The following RANBP9 variants were observed in gnomAD, a reference collection of about 807,000 sequenced individuals.
The protein encoded by RANBP9 is ran-binding protein 9.
In RANBP9, 15 loss-of-function variants were observed where a neutral mutation model predicts 84.3. The observed-to-expected ratio is 0.18, with a 90% confidence interval of 0.12 to 0.27. The LOEUF (loss-of-function observed/expected upper bound fraction) is 0.27, where lower values mean the gene tolerates loss of function less well. RANBP9 is among the 10% of genes least tolerant of loss of function. RANBP9 has a pLI of 1.00. For missense variants in RANBP9, 809 were observed against 912.8 expected, an observed-to-expected ratio of 0.89 and a Z score of 1.46; for synonymous variants, 392 against 349.6, an observed-to-expected ratio of 1.12 and a Z score of -1.35.
rs943275025 is a variant in RANBP9, at chr6:13,711,299, G to C, written c.207C>G (p.Leu69=). Residue 69 remains leucine, a synonymous_variant, in exon 1 of 14, where the codon CTC becomes CTG. Transcript: ENST00000011619. ...GLGAAAAALL[L]HPPPPPPPAT... ...CCGGGGGCGGCGGCGGCGGAGGGTG[G>C]AGGAGCAGGGCGGCCGCCGCGGCCC... 18 of 1,032,722 alleles carry C rather than the reference G, an allele frequency of 1.7e-5. No homozygotes were observed. The highest frequency in any genetic ancestry group is 1.0e-4 in the African/African-American group (6 of 57,490). 64.0% of individuals were successfully genotyped at this position (1,032,722 alleles called of 1,614,324 possible). A position where few individuals can be genotyped will look rare whatever the true frequency, so the allele number is the denominator to read the frequency against.
chr6:13,622,489 G>A lies in RANBP9; in HGVS notation c.2063C>T (p.Thr688Ile), dbSNP rs112516735. Residue 688 changes from threonine (T) to isoleucine (I), a missense_variant, in exon 14 of 14, where the codon ACC (threonine) becomes ATC (isoleucine). Physicochemically the swap from Thr to Ile is moderately conservative, Grantham distance 89. Transcript: ENST00000011619. ...TGGAGGTTGCTTTGGCAGATTGTGGGTTTCTGAGGAAAAATAATTTAAAAA... is the reference window on the plus strand; with the variant it reads ...TGGAGGTTGCTTTGGCAGATTGTGGATTTCTGAGGAAAAATAATTTAAAAA... ...CSALNSAILE[T>I]HNLPKQPPLA... 1 of 1,561,212 alleles carries A rather than the reference G, an allele frequency of 6.4e-7. No individual in the cohort carries two copies. Among genetic ancestry groups the A allele is most frequent in the Non-Finnish European group, 8.6e-7 (1 of 1,156,788 alleles).
At chr6:13,705,266 T>C (rs1758075068) in intron 1 of RANBP9, among the ~76,000 whole-genome samples, 1 of 151,562 alleles carries the variant, frequency 6.6e-6, no homozygotes, top group Non-Finnish European at 1.5e-5. Flanking sequence ...TAGCCAGGCG[T>C]GGTGGCAGGC....
At chr6:13,679,831 A>G (rs1253589529) in intron 2 of RANBP9, among the ~76,000 whole-genome samples, 1 of 152,168 alleles carries the variant, frequency 6.6e-6, no homozygotes, top group East Asian at 1.9e-4. Flanking sequence ...TTGTTTTTCA[A>G]TAATATTTCT....
rs1198258333 is a variant in RANBP9 at position 13,692,553 on chromosome 6, A to AC, written c.683+4231_683+4232insG. Among the ~76,000 whole-genome samples, 39 of 146,344 alleles carry AC rather than the reference A, an allele frequency of 2.7e-4. No homozygotes were observed. In the East Asian group the frequency reaches 5.3e-3, roughly 20 times the overall value. On this transcript the variant is annotated intron_variant, in intron 2 of 13. Coordinates refer to ENST00000011619, the MANE Select transcript of RANBP9 (RefSeq NM_005493.3). ...AAAAAAAAAAAAAAAAAAAAAAAAA[A>AC]ACACAAAAAACAAAAAGGCAGGGCA... is the stretch of plus-strand genomic sequence containing the variant.
chr6:13,667,138 T>C (rs770931377), intron 2 of RANBP9, among the ~76,000 whole-genome samples: 2 of 152,188 alleles, frequency 1.3e-5, no homozygotes, highest in South Asian at 2.1e-4. Context: ...TATGTCAACG[T>C]AGATCATCAC....
At chr6:13,649,461 G>GAAAAAAAA (rs375894187) in intron 5 of RANBP9, among the ~76,000 whole-genome samples, 1 of 92,704 alleles carries the variant, frequency 1.1e-5, no homozygotes, top group Middle Eastern at 6.2e-3. Context: ...TGCCACAACA[G>GAAAAAAAA]AAAAAAAAAA....
chr6:13,653,824 G>C (rs1396687228), intron 4 of RANBP9, among the ~76,000 whole-genome samples: 1 of 151,958 alleles, frequency 6.6e-6, no homozygotes, highest in Non-Finnish European at 1.5e-5. Context: ...CTTGTTAAAA[G>C]GAAAGCAAAG....
intron 2 of RANBP9, among the ~76,000 whole-genome samples, chr6:13,695,408 T>TG (rs1188777784): frequency 2.7e-5 from 4 of 150,476 alleles, no homozygotes; most frequent in Non-Finnish European, 5.9e-5. Flanking sequence ...AATGTTTTTT[T>TG]TTTTTTTTTT....
chr6:13,663,058 T>C (rs777624613), intron 2 of RANBP9, among the ~76,000 whole-genome samples: 2 of 151,796 alleles, frequency 1.3e-5, no homozygotes, highest in Non-Finnish European at 2.9e-5. Context: ...CAAAAACGTA[T>C]AGATTCAAGA....
intron 5 of RANBP9, among the ~76,000 whole-genome samples, chr6:13,646,862 G>A (rs1284083194): frequency 1.3e-5 from 2 of 152,084 alleles, no homozygotes; most frequent in African/African-American, 4.8e-5. Flanking sequence ...TGAATATGTA[G>A]GCAATTTGTA....
chr6:13,622,816 G>A (rs1288644624), intron 13 of RANBP9, among the ~76,000 whole-genome samples: 1 of 152,202 alleles, frequency 6.6e-6, no homozygotes, highest in Non-Finnish European at 1.5e-5. Flanking sequence ...GGAGAGTAAG[G>A]AATTATTTCC....
At chr6:13,696,951 G>A in intron 1 of RANBP9, 55 bp from the exon 2 acceptor site, 4 of 1,419,962 alleles carry the variant, frequency 2.8e-6, no homozygotes, top group Non-Finnish European at 3.9e-6. Context: ...ACTGAAAGAT[G>A]AAAACCTTAA....
chr6:13,711,693 G>C lies in RANBP9; in HGVS notation c.-188C>G, dbSNP rs993709837. The C allele has an allele frequency of 5.6e-6, 2 of 357,882 alleles. No homozygotes were observed. Among genetic ancestry groups the C allele is most frequent in the Non-Finnish European group, 4.6e-6 (1 of 218,534 alleles). The allele number at this position is 357,882 out of a possible 1,614,324, so 22.2% of individuals were successfully genotyped here. ...GCTCGGAGACGCGGGAGTAGGCGGC[G>C]GGCCCGGGAGGCCGGGAGAGAACGT... On this transcript the variant is annotated 5_prime_UTR_variant, in exon 1 of 14. Transcript: ENST00000011619.
intron 11 of RANBP9, among the ~76,000 whole-genome samples, chr6:13,633,975 A>G (rs141013872): frequency 4.6e-5 from 7 of 151,794 alleles, no homozygotes; most frequent in Non-Finnish European, 8.8e-5. Flanking sequence ...GGGAGGTCAT[A>G]CTTAAGCACC....
chr6:13,622,338 A>AGT lies in RANBP9; in HGVS notation c.*22_*23dup, dbSNP rs764761717. 2.0e-6 allele frequency: 3 copies of AGT among 1,523,382 alleles called. No individual in the cohort carries two copies. Among genetic ancestry groups the AGT allele is most frequent in the Non-Finnish European group, 2.6e-6 (3 of 1,135,316 alleles). 94.4% of individuals were successfully genotyped at this position (1,523,382 alleles called of 1,614,324 possible). A position where few individuals can be genotyped will look rare whatever the true frequency, so the allele number is the denominator to read the frequency against. On this transcript the variant is annotated 3_prime_UTR_variant, in exon 14 of 14. Transcript: ENST00000011619. ...CATGTTGACTATATGCCACAATATA[A>AGT]GTGTGAGCTCTTGAAATGCATAGCT...
intron 10 of RANBP9, among the ~76,000 whole-genome samples, chr6:13,636,164 G>C (rs958944451): frequency 6.6e-6 from 1 of 152,050 alleles, no homozygotes; most frequent in Non-Finnish European, 1.5e-5. Flanking sequence ...GATGGTGGGC[G>C]GTATCAGGGA....
At chr6:13,683,749 C>A (rs1480315122) in intron 2 of RANBP9, among the ~76,000 whole-genome samples, 1 of 150,984 alleles carries the variant, frequency 6.6e-6, no homozygotes, top group Non-Finnish European at 1.5e-5. Context: ...GAATGCATTA[C>A]CTTGTAATTG....
intron 11 of RANBP9, 37 bp downstream of exon 11, chr6:13,634,394 A>AT: frequency 2.5e-6 from 4 of 1,600,868 alleles, no homozygotes; most frequent in Non-Finnish European, 3.4e-6. Flanking sequence ...TGTAGCCATC[A>AT]TTTTTTATTA....
intron 7 of RANBP9, among the ~76,000 whole-genome samples, 158 bp downstream of exon 7, chr6:13,642,321 A>C (rs1273538773): frequency 1.3e-5 from 2 of 152,138 alleles, no homozygotes; most frequent in African/African-American, 4.8e-5. Context: ...TTTTAAACTG[A>C]TCTTCAAAAA....
Sources: gnomAD v4.1 joint callset for allele counts (sites outside exome capture counted in the v4.1 genomes callset) on GRCh38, gnomAD v4.1.1 for gene constraint, MANE v1.5 for transcripts, NCBI Gene and HGNC (gene_info 2026-07-23, HGNC 2026-07-21) for gene names.